Variants in NTNG1 observed in about 807,000 individuals in gnomAD.
NTNG1 encodes netrin-G1.
A neutral mutation model predicts 54.0 loss-of-function variants in NTNG1; 16 were observed. The ratio of observed to expected loss-of-function variants is 0.30; its 90% CI spans 0.20 to 0.45. The LOEUF is 0.45. NTNG1 is among the 20% of genes least tolerant of loss of function. The pLI, the probability that NTNG1 is intolerant of heterozygous loss-of-function variation, is 1.00. For missense variants in NTNG1, 530 were observed against 678.7 expected (o/e 0.78, Z 2.43); for synonymous variants, 255 against 263.1 (o/e 0.97, Z 0.30).
At chr1:107,190,786 A>G (rs961114701) in intron 2 of NTNG1, among the ~76,000 whole-genome samples, 1 of 152,140 alleles carries the variant, frequency 6.6e-6, no homozygotes, top group Non-Finnish European at 1.5e-5. Context: ...ATAGTATTCC[A>G]TGGTGTATAT....
rs755713976 is a variant in NTNG1, at chr1:107,436,724, G to A, written c.1315G>A (p.Glu439Lys). Reference sequence around the variant, plus strand: ...TCGTTGTAATGGCTCAGGATTTTGTGAGTGTAAGACTGGAACAACAGGGCC... The same window carrying A: ...TCGTTGTAATGGCTCAGGATTTTGTAAGTGTAAGACTGGAACAACAGGGCC... ...HDRCNGSGFC[E>K]CKTGTTGPKC... The change falls in exon 7 of 8, where the codon GAG becomes AAG. Residue 439 changes from glutamate to lysine, a missense_variant. By Grantham distance (56) the Glu-to-Lys change is moderately conservative. This residue lies in a region of NTNG1 where 212 missense variants were observed against 213.6 expected (regional missense o/e 0.99). Transcript: ENST00000370068. 1.2e-6 allele frequency: 2 copies of A among 1,613,310 alleles called. No homozygotes were observed. Among genetic ancestry groups the A allele is most frequent in the African/African-American group, 2.7e-5 (2 of 74,894 alleles).
At chr1:107,271,875 C>T (rs1046530542) in intron 2 of NTNG1, among the ~76,000 whole-genome samples, 4 of 152,074 alleles carry the variant, frequency 2.6e-5, no homozygotes, top group African/African-American at 4.8e-5. Context: ...CTTTTAAATG[C>T]ATTTTAAAAA....
intron 2 of NTNG1, among the ~76,000 whole-genome samples, chr1:107,269,808 G>C (rs1244197135): frequency 1.2e-4 from 18 of 152,162 alleles, no homozygotes; most frequent in Non-Finnish European, 4.4e-5. Flanking sequence ...TACTTTTAGA[G>C]ATTTTCTTTC....
chr1:107,228,381 T>C (rs1053338512), intron 2 of NTNG1, among the ~76,000 whole-genome samples: 1 of 152,142 alleles, frequency 6.6e-6, no homozygotes, highest in Non-Finnish European at 1.5e-5. Context: ...TATATAATAG[T>C]TTTTCATTCA....
chr1:107,378,795 G>A (rs774141612), intron 3 of NTNG1, among the ~76,000 whole-genome samples: 19 of 152,132 alleles, frequency 1.2e-4, no homozygotes, highest in Non-Finnish European at 2.1e-4. Context: ...GGCTCAGTCT[G>A]GCGGGTTGTG....
chr1:107,273,175 T>C (rs1022808237), intron 2 of NTNG1, among the ~76,000 whole-genome samples: 8 of 151,710 alleles, frequency 5.3e-5, no homozygotes, highest in Non-Finnish European at 8.8e-5. Context: ...CTTACAGACA[T>C]CAAGGTAGGG....
intron 2 of NTNG1, among the ~76,000 whole-genome samples, chr1:107,297,474 A>G (rs977778530): frequency 1.3e-5 from 2 of 152,016 alleles, no homozygotes; most frequent in East Asian, 1.9e-4. Flanking sequence ...AAAATTTTCT[A>G]TTAGACATCT....
intron 2 of NTNG1, among the ~76,000 whole-genome samples, chr1:107,169,830 G>A (rs925792515): frequency 9.9e-5 from 15 of 152,232 alleles, no homozygotes; most frequent in South Asian, 4.1e-4. Flanking sequence ...GAGATGCCTC[G>A]CAAAGAATTG....
rs370736572 is a variant in NTNG1 at position 107,452,384 on chromosome 1, G to A, written c.1390+15585G>A. On this transcript the variant is annotated intron_variant, in intron 7 of 7. Coordinates refer to ENST00000370068, the MANE Select transcript of NTNG1 (RefSeq NM_001113226.3). ...CATGGGAAGTCTTGGATGGTGGACA[G>A]TACACTTACTATGGATTCCTTAAAA... is the stretch of plus-strand genomic sequence containing the variant. Among the ~76,000 whole-genome samples the A allele has an allele frequency of 2.0e-5, 3 of 152,284 alleles. No homozygotes were observed. In the East Asian group the frequency reaches 5.8e-4, roughly 29 times the overall value.
At chr1:107,238,097 C>T (rs1661541492) in intron 2 of NTNG1, among the ~76,000 whole-genome samples, 1 of 152,140 alleles carries the variant, frequency 6.6e-6, no homozygotes, top group Admixed American at 6.5e-5. Context: ...GGATACTATA[C>T]CCTGCAAAGC....
In NTNG1 at chr1:107,447,294, T is replaced by C. The variant is rs141703190; in HGVS notation, c.1390+10495T>C. ...TGGACAACTACTATGTTCCCACAGA[T>C]GTTGAATGCAAAAAGACAAAGTTAG... On this transcript the variant is annotated intron_variant, in intron 7 of 7. Transcript: ENST00000370068. Among the ~76,000 whole-genome samples the C allele has an allele frequency of 9.4e-3, 1,428 of 152,138 alleles. 19 individuals are homozygous for C. The highest frequency in any genetic ancestry group is 0.033 in the African/African-American group (1,350 of 41,512).
chr1:107,355,918 A>G lies in NTNG1; in HGVS notation c.887+30996A>G, dbSNP rs1048970972. On this transcript the variant is annotated intron_variant, in intron 3 of 7. Coordinates refer to ENST00000370068, the MANE Select transcript of NTNG1 (RefSeq NM_001113226.3). ...TCAGTGGATTTTTCTACATTGTTTT[A>G]CACAGTCTCAAAAGTGTTCATAAAT... Among the ~76,000 whole-genome samples the G allele has an allele frequency of 2.0e-5, 3 of 152,182 alleles. No individual in the cohort carries two copies. The East Asian group carries it at 5.8e-4, about 29-fold the overall frequency.
chr1:107,430,306 T>C (rs914322887), intron 5 of NTNG1, among the ~76,000 whole-genome samples: 8 of 152,186 alleles, frequency 5.3e-5, no homozygotes, highest in Non-Finnish European at 1.5e-5. Flanking sequence ...GGAGCCATGG[T>C]GATGGTACTT....
intron 2 of NTNG1, among the ~76,000 whole-genome samples, chr1:107,223,671 A>C (rs1169980545): frequency 6.6e-6 from 1 of 152,126 alleles, no homozygotes; most frequent in African/African-American, 2.4e-5. Flanking sequence ...TATTGGTTTC[A>C]TAACAAAAAA....
At chr1:107,319,865 T>TATATATATATATATATA (rs1667552751) in intron 2 of NTNG1, among the ~76,000 whole-genome samples, 1 of 147,872 alleles carries the variant, frequency 6.8e-6, no homozygotes, top group African/African-American at 2.5e-5. Context: ...TACCTGAGGT[T>TATATATATATATATATA]TATATATATA....
chr1:107,280,037 GT>G (rs1664731674), intron 2 of NTNG1, among the ~76,000 whole-genome samples: 2 of 51,806 alleles, frequency 3.9e-5, no homozygotes, highest in African/African-American at 1.3e-4. Context: ...CTTTGTTGGT[GT>G]GTGTGTGTGT....
intron 2 of NTNG1, among the ~76,000 whole-genome samples, chr1:107,298,263 TA>T (rs1366628791): frequency 6.6e-6 from 1 of 152,150 alleles, no homozygotes; most frequent in Admixed American, 6.6e-5. Context: ...TTATAATTTT[TA>T]AATTATTGGA....
chr1:107,357,379 C>T (rs928812134), intron 3 of NTNG1, among the ~76,000 whole-genome samples: 18 of 152,090 alleles, frequency 1.2e-4, no homozygotes, highest in African/African-American at 4.4e-4. Flanking sequence ...AAACATGATT[C>T]ATTCAGGATT....
chr1:107,374,387 T>C (rs1394326743), intron 3 of NTNG1, among the ~76,000 whole-genome samples: 1 of 152,136 alleles, frequency 6.6e-6, no homozygotes, highest in African/African-American at 2.4e-5. Flanking sequence ...TGACTTTACA[T>C]TGGCATGCAA....
Sources: gnomAD v4.1 joint callset for allele counts (sites outside exome capture counted in the v4.1 genomes callset) on GRCh38, gnomAD v4.1.1 for gene constraint, gnomAD v4.1.1 regional missense constraint, MANE v1.5 for transcripts, NCBI Gene and HGNC (gene_info 2026-07-23, HGNC 2026-07-21) for gene names.